CHLSN: variants seen among roughly 807,000 people sequenced by gnomAD.
CHLSN encodes cholesin, also known as protein cholesin.
chr7:1,127,196 T>C, the CHLSN span: 27 of 1,526,942 alleles, frequency 1.8e-5, no homozygotes, highest in South Asian at 3.4e-4. Context: ...CCCCTCTCCC[T>C]CCAGATCAGA....
chr7:1,025,538 G>A, the CHLSN span: 3,241 of 152,300 alleles, frequency 0.021, 114 homozygotes, highest in East Asian at 0.19. Context: ...GTCAGCTGAG[G>A]ACCCCCCAGT....
At chr7:990,702 T>A in the CHLSN span, among the ~76,000 whole-genome samples, 30 of 152,240 alleles carry the variant, frequency 2.0e-4, no homozygotes, top group African/African-American at 6.7e-4. Flanking sequence ...CACCTATTTC[T>A]GGGGAAGAGC....
the CHLSN span, among the ~76,000 whole-genome samples, chr7:998,448 T>C: frequency 6.7e-6 from 1 of 150,008 alleles, no homozygotes; most frequent in African/African-American, 2.5e-5. Context: ...CAGTGCAAAG[T>C]CTTAGATTCT....
chr7:1,124,679 A>G, the CHLSN span, among the ~76,000 whole-genome samples: 1 of 151,696 alleles, frequency 6.6e-6, no homozygotes, highest in South Asian at 2.1e-4. Context: ...TAACCTGCAC[A>G]ATGTGCACAT....
the CHLSN span, among the ~76,000 whole-genome samples, chr7:1,111,152 G>A: frequency 1.8e-4 from 28 of 152,356 alleles, no homozygotes; most frequent in African/African-American, 6.7e-4. Context: ...TGTCTAATCT[G>A]TGGTAAACTT....
At chr7:995,925 C>T in the CHLSN span, among the ~76,000 whole-genome samples, 1 of 152,230 alleles carries the variant, frequency 6.6e-6, no homozygotes, top group African/African-American at 2.4e-5. Context: ...TCATCTCCTT[C>T]CCACAGCTTG....
the CHLSN span, among the ~76,000 whole-genome samples, chr7:1,076,968 C>T: frequency 2.6e-5 from 4 of 152,230 alleles, no homozygotes; most frequent in Admixed American, 6.5e-5. Context: ...GTGTCCAGTC[C>T]GGAGCTCCTG....
At chr7:1,111,014 T>C in the CHLSN span, among the ~76,000 whole-genome samples, 335 of 152,236 alleles carry the variant, frequency 2.2e-3, 3 homozygotes, top group African/African-American at 6.5e-3. Context: ...AGGTGGCGGT[T>C]GCAGTGAGCC....
chr7:1,090,414 C>T, the CHLSN span, among the ~76,000 whole-genome samples: 9 of 152,296 alleles, frequency 5.9e-5, no homozygotes, highest in South Asian at 8.3e-4. Context: ...GCGGCAGAGC[C>T]GGGGTGACAC....
At chr7:1,026,301 A>G in the CHLSN span, 2 of 152,262 alleles carry the variant, frequency 1.3e-5, no homozygotes, top group African/African-American at 4.8e-5. Flanking sequence ...GCATTGCTGA[A>G]GAGCCCTCGC....
the CHLSN span, among the ~76,000 whole-genome samples, chr7:1,008,866 C>CGCACAT: frequency 6.7e-6 from 1 of 149,698 alleles, no homozygotes; most frequent in Non-Finnish European, 1.5e-5. Flanking sequence ...CACACGCACA[C>CGCACAT]ACGTGTACGC....
the CHLSN span, among the ~76,000 whole-genome samples, chr7:1,132,006 A>G: frequency 2.0e-5 from 3 of 152,226 alleles, no homozygotes; most frequent in Admixed American, 2.0e-4. Flanking sequence ...CTACCAACAT[A>G]TAAAAGAATG....
At chr7:1,076,605 G>C in the CHLSN span, among the ~76,000 whole-genome samples, 3 of 152,388 alleles carry the variant, frequency 2.0e-5, no homozygotes, top group South Asian at 6.2e-4. Flanking sequence ...ATGTAAGAAA[G>C]GTCTATGCTT....
At chr7:1,015,698 G>A in the CHLSN span, among the ~76,000 whole-genome samples, 1 of 152,190 alleles carries the variant, frequency 6.6e-6, no homozygotes, top group East Asian at 1.9e-4. Context: ...CTAACCCAGA[G>A]GGCCAGAGGG....
chr7:1,039,530 C>T, the CHLSN span, among the ~76,000 whole-genome samples: 2 of 55,570 alleles, frequency 3.6e-5, no homozygotes, highest in Admixed American at 3.1e-4. Flanking sequence ...CCAGCCGCCC[C>T]GTCCGGGAGG....
the CHLSN span, among the ~76,000 whole-genome samples, chr7:1,060,001 TG>T: frequency 0.038 from 453 of 12,006 alleles, 2 homozygotes; most frequent in East Asian, 0.065. Context: ...GGGGCGGGTC[TG>T]TAGTGGGGCG....
chr7:1,092,102 A>T, the CHLSN span: 1 of 1,613,776 alleles, frequency 6.2e-7, no homozygotes, highest in Non-Finnish European at 8.5e-7. Context: ...CGGTACTACG[A>T]CATCGCCGTC....
the CHLSN span, among the ~76,000 whole-genome samples, chr7:1,004,283 A>G: frequency 4.6e-5 from 7 of 152,210 alleles, no homozygotes; most frequent in Admixed American, 3.9e-4. Context: ...TGCAGGGCAG[A>G]AGTTGGCATC....
the CHLSN span, among the ~76,000 whole-genome samples, chr7:1,007,001 G>A: frequency 0.16 from 24,000 of 152,220 alleles, 2,044 homozygotes; most frequent in Admixed American, 0.22. Flanking sequence ...ATGCTGCCCA[G>A]CCTGCGACCC....
Sources: allele counts gnomAD v4.1 joint callset (sites outside exome capture counted in the v4.1 genomes callset), GRCh38; gene constraint gnomAD v4.1.1; transcripts MANE v1.5; gene names NCBI Gene and HGNC (gene_info 2026-07-23, HGNC 2026-07-21).